TTC28: variants seen among roughly 807,000 people sequenced by gnomAD.
TTC28 encodes the protein tetratricopeptide repeat domain 28, also known as tetratricopeptide repeat protein 28.
In TTC28, 61 loss-of-function variants were observed where a neutral mutation model predicts 198.0. That is an observed-to-expected ratio of 0.31 (90% confidence interval 0.25 to 0.38). The LOEUF is 0.38. Among genes scored for constraint, TTC28 ranks in the 10% least tolerant of loss-of-function variants. TTC28 has a pLI of 1.00. For synonymous variants in TTC28, 1,171 were observed against 1,297.8 expected (o/e 0.90, Z 2.10); for missense variants, 2,678 against 3,164.0 (o/e 0.85, Z 3.69).
intron 5 of TTC28, among the ~76,000 whole-genome samples, chr22:28,206,774 G>C (rs919419298): frequency 6.6e-6 from 1 of 152,066 alleles, no homozygotes; most frequent in Non-Finnish European, 1.5e-5. Context: ...TCTACTCTAG[G>C]AGCCACACTA....
chr22:28,413,279 C>CA lies in TTC28; in HGVS notation c.382-106637dup, dbSNP rs527927374. Reference sequence around the variant, plus strand: ...TGAAACCCCGTCTCTACTAAAAATACAAAAAAAAATTAGCTGGGCGTGGTG... The same window carrying CA: ...TGAAACCCCGTCTCTACTAAAAATACAAAAAAAAAATTAGCTGGGCGTGGTG... On this transcript the variant is annotated intron_variant, in intron 2 of 22. Transcript: ENST00000397906. 2.0e-3 allele frequency among the ~76,000 whole-genome samples: 301 copies of CA among 151,176 alleles called. 2 individuals carry two copies. Among genetic ancestry groups the CA allele is most frequent in the African/African-American group, 5.3e-3 (217 of 41,222 alleles).
intron 5 of TTC28, among the ~76,000 whole-genome samples, chr22:28,229,905 A>T (rs1258595036): frequency 6.6e-6 from 1 of 151,728 alleles, no homozygotes; most frequent in Non-Finnish European, 1.5e-5. Context: ...GCTTAAATTT[A>T]AAAAAAAATC....
chr22:28,101,380 T>G, intron 8 of TTC28, 100 bp from the exon 9 acceptor site: 1 of 1,035,782 alleles, frequency 9.7e-7, no homozygotes, highest in South Asian at 1.5e-5. Context: ...TTTTTGTTTG[T>G]TTTGAGACAG....
At chr22:28,403,129 A>G (rs1357864634) in intron 2 of TTC28, among the ~76,000 whole-genome samples, 1 of 152,218 alleles carries the variant, frequency 6.6e-6, no homozygotes, top group Non-Finnish European at 1.5e-5. Context: ...AACCAGGAGA[A>G]GTAAACAAAA....
At chr22:28,312,435 T>C (rs1277300315) in intron 2 of TTC28, among the ~76,000 whole-genome samples, 2 of 152,138 alleles carry the variant, frequency 1.3e-5, no homozygotes, top group East Asian at 1.9e-4. Flanking sequence ...ATCACACTTA[T>C]TCTAAAATTG....
At chr22:28,038,872 C>T (rs1295785380) in intron 12 of TTC28, among the ~76,000 whole-genome samples, 7 of 152,290 alleles carry the variant, frequency 4.6e-5, no homozygotes, top group Admixed American at 3.9e-4. Context: ...TATGAACAGA[C>T]ATTTCTCCAA....
chr22:28,161,302 G>A (rs1474559735), intron 6 of TTC28, among the ~76,000 whole-genome samples: 1 of 152,152 alleles, frequency 6.6e-6, no homozygotes, highest in Admixed American at 6.5e-5. Flanking sequence ...AGGCCAAGGA[G>A]GGAGGATCGT....
chr22:28,608,236 AT>A (rs2050764729), intron 2 of TTC28, among the ~76,000 whole-genome samples: 1 of 152,200 alleles, frequency 6.6e-6, no homozygotes, highest in African/African-American at 2.4e-5. Context: ...TCTCACCAAA[AT>A]GGGTATGAAA....
At chr22:28,616,100 G>T (rs947729039) in intron 2 of TTC28, among the ~76,000 whole-genome samples, 2 of 152,168 alleles carry the variant, frequency 1.3e-5, no homozygotes, top group African/African-American at 4.8e-5. Context: ...ACTTGAAAGA[G>T]AATTCTGGAT....
chr22:28,405,201 AT>A (rs1217962773), intron 2 of TTC28, among the ~76,000 whole-genome samples: 1 of 152,218 alleles, frequency 6.6e-6, no homozygotes, highest in South Asian at 2.1e-4. Flanking sequence ...TGTTTTTGAG[AT>A]TTAAAAAATT....
At chr22:28,155,313 G>A (rs974312854) in intron 6 of TTC28, among the ~76,000 whole-genome samples, 5 of 152,080 alleles carry the variant, frequency 3.3e-5, no homozygotes, top group Admixed American at 3.3e-4. Flanking sequence ...GCACAACATC[G>A]TGATATAAGC....
At chr22:27,992,551 C>T (rs1314407496) in intron 19 of TTC28, 36 bp downstream of exon 19, 1 of 1,548,510 alleles carries the variant, frequency 6.5e-7, no homozygotes, top group South Asian at 1.2e-5. Flanking sequence ...CAGCATGGGC[C>T]TCAGGCCCTG....
chr22:28,060,838 A>G lies in TTC28; in HGVS notation c.3933-30472T>C, dbSNP rs191993216. Among the ~76,000 whole-genome samples the G allele has an allele frequency of 5.9e-5, 9 of 152,164 alleles. No homozygotes were observed. In the East Asian group the frequency reaches 1.5e-3, roughly 26 times the overall value. ...CACCTGTTGTTTACAGTACACCAAC[A>G]GTGTAAAAGTGTTCCTATTTCTCCA... On this transcript the variant is annotated intron_variant, in intron 12 of 22. Transcript: ENST00000397906.
chr22:28,137,907 C>T (rs554775854), intron 6 of TTC28, among the ~76,000 whole-genome samples: 4 of 152,122 alleles, frequency 2.6e-5, no homozygotes, highest in South Asian at 2.1e-4. Flanking sequence ...CCCAGCTACC[C>T]GGCAGGCTGA....
chr22:28,387,178 A>C (rs1178419667), intron 2 of TTC28, among the ~76,000 whole-genome samples: 2 of 152,130 alleles, frequency 1.3e-5, no homozygotes, highest in Non-Finnish European at 2.9e-5. Flanking sequence ...TGAACTCATC[A>C]TTTTTTATGG....
intron 5 of TTC28, among the ~76,000 whole-genome samples, chr22:28,282,293 T>A (rs573105347): frequency 6.6e-6 from 1 of 152,312 alleles, no homozygotes; most frequent in South Asian, 2.1e-4. Context: ...ATAAAAATGA[T>A]CCTAATATAA....
intron 5 of TTC28, among the ~76,000 whole-genome samples, chr22:28,180,478 C>T (rs969252078): frequency 6.6e-6 from 1 of 152,048 alleles, no homozygotes; most frequent in Non-Finnish European, 1.5e-5. Flanking sequence ...ATCTTTGAAG[C>T]GATCACGTTT....
intron 5 of TTC28, among the ~76,000 whole-genome samples, chr22:28,286,712 T>C (rs995781432): frequency 1.1e-4 from 16 of 152,126 alleles, no homozygotes; most frequent in African/African-American, 3.6e-4. Flanking sequence ...CAAATAACAC[T>C]GTTCCCAGGG....
chr22:28,497,394 A>C (rs1485214530), intron 2 of TTC28, among the ~76,000 whole-genome samples: 3 of 152,214 alleles, frequency 2.0e-5, no homozygotes. Flanking sequence ...TCAGCTATGC[A>C]AAGCATTTAC....
Sources: allele counts gnomAD v4.1 joint callset (sites outside exome capture counted in the v4.1 genomes callset), GRCh38; gene constraint gnomAD v4.1.1; transcripts MANE v1.5; gene names NCBI Gene and HGNC (gene_info 2026-07-23, HGNC 2026-07-21).